Variants in ACTR3C observed in about 807,000 individuals in gnomAD.
ACTR3C encodes actin related protein 3C.
In ACTR3C, 18 loss-of-function variants were observed where a neutral mutation model predicts 26.3. That is an observed-to-expected ratio of 0.68 (90% CI 0.47 to 1.01). ACTR3C has a LOEUF of 1.01. ACTR3C is among the 50% of genes least tolerant of loss of function. The pLI is 0.00. For missense variants in ACTR3C, 184 were observed against 250.7 expected, an observed-to-expected ratio of 0.73 and a Z score of 1.80; for synonymous variants, 55 against 94.5, an observed-to-expected ratio of 0.58 and a Z score of 2.42.
the ACTR3C span, among the ~76,000 whole-genome samples, chr7:149,992,335 A>G: frequency 6.6e-6 from 1 of 152,248 alleles, no homozygotes; most frequent in African/African-American, 2.4e-5. Context: ...ACCTTCTCTC[A>G]TCTTACTAAA....
the ACTR3C span, among the ~76,000 whole-genome samples, chr7:149,999,281 G>T: frequency 6.6e-6 from 1 of 150,878 alleles, no homozygotes; most frequent in Admixed American, 6.7e-5. Flanking sequence ...CTGGAGTACA[G>T]AGGAATTCGA....
At chr7:149,999,435 C>T in the ACTR3C span, among the ~76,000 whole-genome samples, 5 of 150,598 alleles carry the variant, frequency 3.3e-5, no homozygotes, top group African/African-American at 1.2e-4. Context: ...GTGCCCTGCA[C>T]ATAGAGGCCT....
At chr7:150,037,946 C>G in the ACTR3C span, among the ~76,000 whole-genome samples, 7,160 of 108,614 alleles carry the variant, frequency 0.066, 722 homozygotes, top group South Asian at 0.11. Context: ...CCTGCGATGG[C>G]GGTGCAAAGA....
chr7:150,102,310 T>C, the ACTR3C span, among the ~76,000 whole-genome samples: 1 of 151,810 alleles, frequency 6.6e-6, no homozygotes, highest in African/African-American at 2.4e-5. Context: ...ATGTCAGTGG[T>C]TGCTGAGAAG....
chr7:150,048,802 G>A, the ACTR3C span, among the ~76,000 whole-genome samples: 57 of 151,786 alleles, frequency 3.8e-4, no homozygotes, highest in Non-Finnish European at 4.7e-4. Context: ...ACGCTGGTGA[G>A]GAGGCCGCCC....
intron 1 of ACTR3C, among the ~76,000 whole-genome samples, chr7:150,314,853 G>A (rs1415105098): frequency 6.7e-6 from 1 of 149,872 alleles, no homozygotes; most frequent in Non-Finnish European, 1.5e-5. Context: ...TCACAAGGCG[G>A]AGGCGAGCGG....
chr7:150,278,089 A>T (rs1400880849), intron 6 of ACTR3C, among the ~76,000 whole-genome samples: 1 of 151,860 alleles, frequency 6.6e-6, no homozygotes, highest in African/African-American at 2.4e-5. Context: ...CCCCATTCCC[A>T]CATTCAAACA....
the ACTR3C span, among the ~76,000 whole-genome samples, chr7:149,887,093 G>C: frequency 2.6e-5 from 4 of 151,766 alleles, no homozygotes; most frequent in East Asian, 7.7e-4. Context: ...AAATGTACTA[G>C]AAAAAAATTG....
intron 1 of ACTR3C, among the ~76,000 whole-genome samples, chr7:150,312,901 G>A (rs1796450321): frequency 6.6e-6 from 1 of 152,200 alleles, no homozygotes; most frequent in Non-Finnish European, 1.5e-5. Context: ...GAGCCAAGAA[G>A]TCTGGAGCAG....
the ACTR3C span, among the ~76,000 whole-genome samples, chr7:150,090,843 T>C: frequency 7.1e-4 from 108 of 152,330 alleles, no homozygotes; most frequent in Admixed American, 1.4e-3. Flanking sequence ...TTGGGTTATA[T>C]AATTTAGCTA....
At chr7:150,078,074 G>A in the ACTR3C span, among the ~76,000 whole-genome samples, 2 of 152,180 alleles carry the variant, frequency 1.3e-5, no homozygotes, top group Admixed American at 1.3e-4. Flanking sequence ...TCCATGGCAG[G>A]AAGGGGGACA....
chr7:150,282,431 CTCCTT>C (rs1835423672), intron 6 of ACTR3C, among the ~76,000 whole-genome samples: 1 of 151,596 alleles, frequency 6.6e-6, no homozygotes, highest in South Asian at 2.1e-4. Flanking sequence ...CTTTGTGTCT[CTCCTT>C]TCCCACAACG....
chr7:150,043,494 T>A, the ACTR3C span, among the ~76,000 whole-genome samples: 1 of 152,172 alleles, frequency 6.6e-6, no homozygotes, highest in African/African-American at 2.4e-5. Context: ...TCAAACAGGG[T>A]GGCCATCCTT....
At chr7:149,899,842 C>CA in the ACTR3C span, among the ~76,000 whole-genome samples, 1 of 131,344 alleles carries the variant, frequency 7.6e-6, no homozygotes, top group Non-Finnish European at 1.7e-5. Context: ...CGAAACAAAA[C>CA]AAAACAAAAA....
At chr7:150,038,814 C>G in the ACTR3C span, among the ~76,000 whole-genome samples, 710 of 141,712 alleles carry the variant, frequency 5.0e-3, 71 homozygotes, top group African/African-American at 0.018. Context: ...GTGCCTCCCC[C>G]CTCTGCGATG....
At chr7:150,040,270 C>T in the ACTR3C span, among the ~76,000 whole-genome samples, 9 of 146,318 alleles carry the variant, frequency 6.2e-5, no homozygotes, top group South Asian at 1.3e-3. Flanking sequence ...CGTAGGCTAC[C>T]GGCCTCAGCC....
chr7:150,115,243 T>G, the ACTR3C span, among the ~76,000 whole-genome samples: 1 of 152,302 alleles, frequency 6.6e-6, no homozygotes, highest in South Asian at 2.1e-4. Context: ...CCCCAACTCT[T>G]TCATTCCTTA....
chr7:150,251,130 G>A (rs537034864), intron 6 of ACTR3C, among the ~76,000 whole-genome samples: 11 of 152,278 alleles, frequency 7.2e-5, no homozygotes, highest in African/African-American at 2.6e-4. Context: ...ACAGTGACAC[G>A]TGTGACCTGT....
the ACTR3C span, among the ~76,000 whole-genome samples, chr7:150,092,594 T>C: frequency 6.7e-6 from 1 of 150,296 alleles, no homozygotes; most frequent in African/African-American, 2.5e-5. Flanking sequence ...ATTTTCACTA[T>C]TTAGATTCAT....
Sources: gnomAD v4.1 joint callset for allele counts (sites outside exome capture counted in the v4.1 genomes callset) on GRCh38, gnomAD v4.1.1 for gene constraint, MANE v1.5 for transcripts, NCBI Gene and HGNC (gene_info 2026-07-23, HGNC 2026-07-21) for gene names.